RGMA: variants seen among roughly 807,000 people sequenced by gnomAD.
The protein encoded by RGMA is repulsive guidance molecule BMP co-receptor a, also known as repulsive guidance molecule A.
Under a neutral mutation model 23.2 loss-of-function variants are expected in RGMA, and 10 were observed. The observed-to-expected ratio is 0.43, with a 90% CI of 0.27 to 0.73. The LOEUF (loss-of-function observed/expected upper bound fraction) is 0.73. Among genes scored for constraint, RGMA ranks in the 30% least tolerant of loss-of-function variants. RGMA has a pLI of 0.20. For synonymous variants in RGMA, 308 were observed against 279.3 expected, an observed-to-expected ratio of 1.10 and a Z score of -1.03; for missense variants, 547 against 630.5, an observed-to-expected ratio of 0.87 and a Z score of 1.42.
intron 1 of RGMA, among the ~76,000 whole-genome samples, chr15:93,083,377 G>T (rs1218024662): frequency 2.6e-5 from 4 of 152,108 alleles, no homozygotes; most frequent in Non-Finnish European, 5.9e-5. Flanking sequence ...ATCCAGGCTG[G>T]AGTGTAATGG....
At chr15:93,065,671 T>C in intron 2 of RGMA, 1 of 1,092,558 alleles carries the variant, frequency 9.2e-7, no homozygotes, top group Non-Finnish European at 1.4e-6. Flanking sequence ...CGGGGCCTGC[T>C]GCCCTCTCTG....
At chr15:93,062,463 C>T (rs1189420054) in intron 2 of RGMA, among the ~76,000 whole-genome samples, 1 of 152,178 alleles carries the variant, frequency 6.6e-6, no homozygotes, top group African/African-American at 2.4e-5. Context: ...CAGGGACCTC[C>T]AGAACAACTG....
intron 2 of RGMA, among the ~76,000 whole-genome samples, chr15:93,070,741 A>T (rs1367558874): frequency 7.2e-5 from 11 of 152,214 alleles, no homozygotes; most frequent in Admixed American, 7.2e-4. Context: ...GAGAAGAAAC[A>T]TTAGCCAGCT....
chr15:93,078,374 A>C (rs1328727412), intron 1 of RGMA, among the ~76,000 whole-genome samples: 2 of 152,126 alleles, frequency 1.3e-5, no homozygotes, highest in Non-Finnish European at 2.9e-5. Context: ...TTGAGTAACC[A>C]CCCATTCCCC....
chr15:93,065,637 CAG>C (rs1491184476), intron 2 of RGMA: 1 of 917,150 alleles, frequency 1.1e-6, no homozygotes, highest in Non-Finnish European at 1.7e-6. Context: ...GCTGAGGTCT[CAG>C]GGGCTGCGGG....
At chr15:93,081,798 G>C (rs956990358) in intron 1 of RGMA, among the ~76,000 whole-genome samples, 1 of 152,234 alleles carries the variant, frequency 6.6e-6, no homozygotes, top group Non-Finnish European at 1.5e-5. Context: ...GCTAAGCAAA[G>C]CTGAAATAGA....
At position 93,036,140 on chromosome 15, in the gene RGMA, G is replaced by T. The variant is rs760191864; in HGVS notation, c.*8858C>A. 6.6e-6 allele frequency: 1 copy of T among 152,232 alleles called. No homozygotes were observed. Among genetic ancestry groups the T allele is most frequent in the African/African-American group, 2.4e-5 (1 of 41,434 alleles). The allele number at this position is 152,232 out of a possible 1,614,324, so 9.4% of individuals were successfully genotyped here. On this transcript the variant is annotated 3_prime_UTR_variant, in exon 4 of 4. Transcript: ENST00000329082. ...TCTCTCACCACTAGAGGTCAGTCCCGTGAGGGCGGGCACATTCATTCGAGC... is the reference window on the plus strand; with the variant it reads ...TCTCTCACCACTAGAGGTCAGTCCCTTGAGGGCGGGCACATTCATTCGAGC...
intron 1 of RGMA, among the ~76,000 whole-genome samples, chr15:93,076,746 G>T (rs1169973852): frequency 6.6e-6 from 1 of 152,184 alleles, no homozygotes; most frequent in African/African-American, 2.4e-5. Context: ...CTGAGGCTGG[G>T]AACGCTTAAG....
At chr15:93,058,964 G>A (rs1313873390) in intron 2 of RGMA, among the ~76,000 whole-genome samples, 2 of 152,166 alleles carry the variant, frequency 1.3e-5, no homozygotes. Context: ...AAAATAGCCT[G>A]CGCTCCCGGG....
In RGMA at chr15:93,041,396, T is replaced by C. The variant is rs2054722199; in HGVS notation, c.*3602A>G. Reference sequence around the variant, plus strand: ...TCCCAACCTAGCCCGTCCTGCAAGATGAAGCTGCTTCTTGGGAATCTTTTA... The same window carrying C: ...TCCCAACCTAGCCCGTCCTGCAAGACGAAGCTGCTTCTTGGGAATCTTTTA... On this transcript the variant is annotated 3_prime_UTR_variant, in exon 4 of 4. Coordinates refer to ENST00000329082, the MANE Select transcript of RGMA (RefSeq NM_020211.3). 6.6e-6 allele frequency: 1 copy of C among 152,236 alleles called. No individual in the cohort carries two copies. The highest frequency in any genetic ancestry group is 6.5e-5 in the Admixed American group (1 of 15,276). 9.4% of individuals were successfully genotyped at this position (152,236 alleles called of 1,614,324 possible). A position where few individuals can be genotyped will look rare whatever the true frequency, so the allele number is the denominator to read the frequency against.
At chr15:93,049,118 C>T (rs1436983638) in intron 3 of RGMA, among the ~76,000 whole-genome samples, 3 of 152,192 alleles carry the variant, frequency 2.0e-5, no homozygotes, top group African/African-American at 2.4e-5. Context: ...AACACAGCCA[C>T]GGGCGGGCTG....
At chr15:93,066,144 G>A (rs766683098) in intron 2 of RGMA, 16 of 1,357,788 alleles carry the variant, frequency 1.2e-5, no homozygotes, top group East Asian at 2.4e-5. Context: ...GCACCTCCCC[G>A]GGCCCAGTTA....
Position 93,036,663 on chromosome 15 carries a change from G to A in RGMA, c.*8335C>T, listed in dbSNP as rs1338780966. On this transcript the variant is annotated 3_prime_UTR_variant, in exon 4 of 4. Transcript: ENST00000329082. ...AGAACCAGAGCCCTGGTTTGACTCC[G>A]CCCCTGCTGTGGGGCTCACGAGCAT... The A allele has an allele frequency of 6.6e-6, 1 of 152,228 alleles. No individual in the cohort carries two copies. The highest frequency in any genetic ancestry group is 1.5e-5 in the Non-Finnish European group (1 of 68,078). The allele number at this position is 152,228 out of a possible 1,614,324, so 9.4% of individuals were successfully genotyped here.
In RGMA at chr15:93,088,939, C is replaced by T; in HGVS notation, c.-7G>A. The T allele has an allele frequency of 5.7e-6, 8 of 1,415,252 alleles. No homozygotes were observed. The South Asian group carries it at 1.2e-4, about 21-fold the overall frequency. 87.7% of individuals were successfully genotyped at this position (1,415,252 alleles called of 1,614,324 possible). A position where few individuals can be genotyped will look rare whatever the true frequency, so the allele number is the denominator to read the frequency against. ...CTTACCTTGGCGGCTGCATGAGCCC[C>T]TGCGGCCCGCGGGGGGTGGCGCTGG... is the stretch of plus-strand genomic sequence containing the variant. On this transcript the variant is annotated 5_prime_UTR_variant, in exon 1 of 4. Coordinates refer to ENST00000329082, the MANE Select transcript of RGMA (RefSeq NM_020211.3).
At chr15:93,054,000 C>G (rs532086409) in intron 2 of RGMA, among the ~76,000 whole-genome samples, 1 of 152,222 alleles carries the variant, frequency 6.6e-6, no homozygotes, top group East Asian at 1.9e-4. Context: ...GAGGCCGAGG[C>G]AGGCAGATCA....
rs1018848823 is a variant in RGMA at position 93,043,699 on chromosome 15, G to A, written c.*1299C>T. On this transcript the variant is annotated 3_prime_UTR_variant, in exon 4 of 4. Coordinates refer to ENST00000329082, the MANE Select transcript of RGMA (RefSeq NM_020211.3). ...GAGGGAGCAGGACCTCTTGGAGGGA[G>A]GGGGAGACACACGTTCTGCAGCCTC... 1.3e-5 allele frequency: 2 copies of A among 151,882 alleles called. No individual in the cohort carries two copies. The highest frequency in any genetic ancestry group is 4.8e-5 in the African/African-American group (2 of 41,256). 9.4% of individuals were successfully genotyped at this position (151,882 alleles called of 1,614,324 possible). A position where few individuals can be genotyped will look rare whatever the true frequency, so the allele number is the denominator to read the frequency against.
rs949076149 is a variant in RGMA at position 93,041,452 on chromosome 15, G to A, written c.*3546C>T. 1.3e-5 allele frequency: 2 copies of A among 152,180 alleles called. No individual in the cohort carries two copies. Among genetic ancestry groups the A allele is most frequent in the African/African-American group, 4.8e-5 (2 of 41,412 alleles). 9.4% of individuals were successfully genotyped at this position (152,180 alleles called of 1,614,324 possible). On this transcript the variant is annotated 3_prime_UTR_variant, in exon 4 of 4. Coordinates refer to ENST00000329082, the MANE Select transcript of RGMA (RefSeq NM_020211.3). ...GGATGCTGTGTTCCATATTCACGAC[G>A]GCATTTCCATGCTCGTGAGGGCAAC...
chr15:93,054,662 A>G (rs916210954), intron 2 of RGMA, among the ~76,000 whole-genome samples: 2 of 152,302 alleles, frequency 1.3e-5, no homozygotes. Context: ...TAAATTACCC[A>G]GTCTTGGGTA....
At chr15:93,048,731 A>ACTTCTTC (rs1555448651) in intron 3 of RGMA, among the ~76,000 whole-genome samples, 1 of 151,868 alleles carries the variant, frequency 6.6e-6, no homozygotes, top group Non-Finnish European at 1.5e-5. Flanking sequence ...TCAGCCTCCT[A>ACTTCTTC]CTTCTTCCTT....
Sources: gnomAD v4.1 joint callset for allele counts (sites outside exome capture counted in the v4.1 genomes callset) on GRCh38, gnomAD v4.1.1 for gene constraint, MANE v1.5 for transcripts, NCBI Gene and HGNC (gene_info 2026-07-23, HGNC 2026-07-21) for gene names.